NFIA: variants seen among roughly 807,000 people sequenced by gnomAD.
NFIA encodes nuclear factor I A.
In NFIA, 8 loss-of-function variants were observed where a neutral mutation model predicts 62.8. The observed-to-expected ratio is 0.13, with a 90% CI of 0.07 to 0.23. NFIA has a LOEUF of 0.23. Among genes scored for constraint, NFIA ranks in the 10% least tolerant of loss-of-function variants. The probability of loss-of-function intolerance (pLI) is 1.00; values close to 1 mark genes in which losing one functional copy is unlikely to be tolerated. For missense variants in NFIA, 410 were observed against 642.1 expected, an observed-to-expected ratio of 0.64 and a Z score of 3.91; for synonymous variants, 235 against 238.1, an observed-to-expected ratio of 0.99 and a Z score of 0.12.
chr1:61,225,125 A>G (rs1288365150), intron 2 of NFIA, among the ~76,000 whole-genome samples: 1 of 151,672 alleles, frequency 6.6e-6, no homozygotes. Flanking sequence ...TATCACTTAT[A>G]TATTTTGTTT....
rs571362529 is a variant in NFIA at position 61,082,605 on chromosome 1, T to C, written c.-187T>C. 2.0e-6 allele frequency: 3 copies of C among 1,493,556 alleles called. No homozygotes were observed. The African/African-American group carries it at 4.2e-5, about 21-fold the overall frequency. The allele number at this position is 1,493,556 out of a possible 1,614,324, so 92.5% of individuals were successfully genotyped here. ...TGGAGCGGCAATAGCGCTGGCTGGC[T>C]GGCTGCAGTTGAGCCGACTTGGAAA... On this transcript the variant is annotated 5_prime_UTR_variant, in exon 1 of 11. Coordinates refer to ENST00000403491, the MANE Select transcript of NFIA (RefSeq NM_001134673.4).
intron 7 of NFIA, among the ~76,000 whole-genome samples, chr1:61,403,878 C>A (rs1665688958): frequency 6.6e-6 from 1 of 152,166 alleles, no homozygotes; most frequent in Admixed American, 6.5e-5. Flanking sequence ...CTCATGTCCA[C>A]TGAAAATAGA....
intron 2 of NFIA, among the ~76,000 whole-genome samples, chr1:61,187,494 G>A (rs1651278506): frequency 6.6e-6 from 1 of 152,222 alleles, no homozygotes; most frequent in African/African-American, 2.4e-5. Flanking sequence ...CTGGGGAAGT[G>A]TAAGGAGCGG....
In NFIA at chr1:61,153,283, C is replaced by T. The variant is rs924707483; in HGVS notation, c.559+64603C>T. 3.3e-5 allele frequency among the ~76,000 whole-genome samples: 5 copies of T among 152,310 alleles called. No individual in the cohort carries two copies. The South Asian group carries it at 8.3e-4, about 25-fold the overall frequency. ...TGTTGTATCAGCAGCCTGCTTCTAT[C>T]ATTTGCCTGCAGAGTCTATAAGCAT... On this transcript the variant is annotated intron_variant, in intron 2 of 10. Coordinates refer to ENST00000403491, the MANE Select transcript of NFIA (RefSeq NM_001134673.4).
intron 7 of NFIA, among the ~76,000 whole-genome samples, chr1:61,393,425 G>A (rs557918248): frequency 1.3e-5 from 2 of 149,040 alleles, no homozygotes; most frequent in South Asian, 4.4e-4. Context: ...ACAGTGAGCA[G>A]CTCCAGCCTT....
intron 10 of NFIA, among the ~76,000 whole-genome samples, chr1:61,449,705 C>T (rs1466794476): frequency 6.6e-6 from 1 of 152,184 alleles, no homozygotes; most frequent in African/African-American, 2.4e-5. Flanking sequence ...CGGCCCATTA[C>T]GGTTTTAATA....
intron 2 of NFIA, among the ~76,000 whole-genome samples, chr1:61,103,352 A>G (rs1419411366): frequency 6.6e-6 from 1 of 152,202 alleles, no homozygotes; most frequent in East Asian, 1.9e-4. Context: ...TTTAAGGCTC[A>G]GCTGTAACAT....
upstream of NFIA, among the ~76,000 whole-genome samples, chr1:61,081,161 G>T (rs1646089466): frequency 6.6e-6 from 1 of 152,026 alleles, no homozygotes; most frequent in African/African-American, 2.4e-5. Flanking sequence ...AAACCATCAT[G>T]AGGAAGAGAA....
At chr1:61,343,077 A>G (rs1662015583) in intron 4 of NFIA, among the ~76,000 whole-genome samples, 1 of 152,228 alleles carries the variant, frequency 6.6e-6, no homozygotes, top group South Asian at 2.1e-4. Context: ...AGTTCAACTC[A>G]GTAAACATTT....
chr1:61,400,297 T>C (rs1665486175), intron 7 of NFIA, among the ~76,000 whole-genome samples: 1 of 152,228 alleles, frequency 6.6e-6, no homozygotes, highest in South Asian at 2.1e-4. Context: ...TCCCATCTTA[T>C]TTATATTCTT....
chr1:61,363,351 T>C (rs1663400614), intron 6 of NFIA, among the ~76,000 whole-genome samples: 1 of 152,166 alleles, frequency 6.6e-6, no homozygotes, highest in South Asian at 2.1e-4. Flanking sequence ...ACGCCTGTAA[T>C]CCCAGCACTT....
At chr1:61,397,990 T>G (rs7516719) in intron 7 of NFIA, among the ~76,000 whole-genome samples, 50,969 of 152,068 alleles carry the variant, frequency 0.34, 10,776 homozygotes, top group African/African-American at 0.6. Flanking sequence ...GGAATTGGTA[T>G]TGACTGTCAG....
At chr1:61,213,760 T>C (rs1247282262) in intron 2 of NFIA, among the ~76,000 whole-genome samples, 1 of 152,170 alleles carries the variant, frequency 6.6e-6, no homozygotes, top group East Asian at 1.9e-4. Context: ...TCCGATGGCT[T>C]GAAATAATGG....
At chr1:61,238,783 T>G (rs1655153259) in intron 2 of NFIA, among the ~76,000 whole-genome samples, 1 of 151,878 alleles carries the variant, frequency 6.6e-6, no homozygotes, top group Admixed American at 6.6e-5. Flanking sequence ...CATGCTGGAG[T>G]TTTTCTGATG....
At chr1:61,248,798 A>C (rs542348470) in intron 2 of NFIA, 2 of 152,380 alleles carry the variant, frequency 1.3e-5, no homozygotes, top group East Asian at 3.9e-4. Flanking sequence ...AATCTTCCCC[A>C]GCCCCAATTC....
At chr1:61,308,274 C>T (rs1039983534) in intron 3 of NFIA, among the ~76,000 whole-genome samples, 10 of 152,048 alleles carry the variant, frequency 6.6e-5, no homozygotes, top group East Asian at 5.8e-4. Context: ...AGTCTTTTAA[C>T]GAAACATGAA....
chr1:61,254,462 G>T (rs1050238738), intron 2 of NFIA, among the ~76,000 whole-genome samples: 1 of 152,134 alleles, frequency 6.6e-6, no homozygotes, highest in African/African-American at 2.4e-5. Context: ...AACATCACTG[G>T]CACTGCCCTA....
chr1:61,081,282 C>T (rs949546169), upstream of NFIA, among the ~76,000 whole-genome samples: 2 of 151,756 alleles, frequency 1.3e-5, no homozygotes, highest in African/African-American at 4.8e-5. Flanking sequence ...GAAAAGCAGG[C>T]TTACTGGCAA....
At chr1:61,190,653 GAAAC>G (rs111649839) in intron 2 of NFIA, among the ~76,000 whole-genome samples, 4,209 of 152,240 alleles carry the variant, frequency 0.028, 187 homozygotes, top group African/African-American at 0.096. Context: ...GGCATCCACT[GAAAC>G]AAACAAACAA....
Sources: allele counts gnomAD v4.1 joint callset (sites outside exome capture counted in the v4.1 genomes callset), GRCh38; gene constraint gnomAD v4.1.1; transcripts MANE v1.5; gene names NCBI Gene and HGNC (gene_info 2026-07-23, HGNC 2026-07-21).